Variants in WDPCP observed in about 807,000 individuals in gnomAD.
WDPCP encodes the protein WD repeat-containing and planar cell polarity effector protein fritz homolog.
In WDPCP, 71 loss-of-function variants were observed where a neutral mutation model predicts 93.1. The ratio of observed to expected loss-of-function variants is 0.76; its 90% confidence interval spans 0.63 to 0.93. The LOEUF (loss-of-function observed/expected upper bound fraction) is 0.93, where lower values mean the gene tolerates loss of function less well. WDPCP is among the 40% of genes least tolerant of loss of function. The probability of loss-of-function intolerance (pLI) is 0.00; values close to 1 mark genes in which losing one functional copy is unlikely to be tolerated. For synonymous variants in WDPCP, 315 were observed against 315.0 expected (o/e 1.00, Z 0.00); for missense variants, 844 against 887.4 (o/e 0.95, Z 0.62).
At chr2:63,682,798 T>G (rs994995512) in intron 2 of WDPCP, among the ~76,000 whole-genome samples, 1 of 152,066 alleles carries the variant, frequency 6.6e-6, no homozygotes, top group Non-Finnish European at 1.5e-5. Flanking sequence ...TACAGAATAT[T>G]ACAACACTGT....
intron 1 of WDPCP, among the ~76,000 whole-genome samples, chr2:63,573,094 T>A (rs1299587932): frequency 6.6e-6 from 1 of 151,954 alleles, no homozygotes; most frequent in South Asian, 2.1e-4. Flanking sequence ...AAAAAAATAA[T>A]TTTTTAATTG....
At chr2:63,180,075 T>C (rs929982117) in intron 14 of WDPCP, among the ~76,000 whole-genome samples, 2 of 152,190 alleles carry the variant, frequency 1.3e-5, no homozygotes, top group Non-Finnish European at 2.9e-5. Flanking sequence ...TCAAATACCA[T>C]ATGTTCTCAT....
At chr2:63,183,003 C>T (rs1469172793) in intron 14 of WDPCP, among the ~76,000 whole-genome samples, 1 of 151,648 alleles carries the variant, frequency 6.6e-6, no homozygotes, top group Non-Finnish European at 1.5e-5. Flanking sequence ...TTTTAAATTT[C>T]TGATTGTTTA....
intron 13 of WDPCP, among the ~76,000 whole-genome samples, chr2:63,267,686 CAA>C (rs1234882020): frequency 6.6e-6 from 1 of 152,072 alleles, no homozygotes; most frequent in Non-Finnish European, 1.5e-5. Flanking sequence ...AGACATTTCT[CAA>C]AAGAGAGGTA....
At chr2:63,796,784 T>C (rs1670623969) in intron 2 of WDPCP, among the ~76,000 whole-genome samples, 1 of 152,100 alleles carries the variant, frequency 6.6e-6, no homozygotes, top group South Asian at 2.1e-4. Context: ...AGGACTCCAA[T>C]TCCTAGGCAA....
chr2:63,539,864 A>T (rs1213151333), intron 1 of WDPCP, among the ~76,000 whole-genome samples: 1 of 152,192 alleles, frequency 6.6e-6, no homozygotes, highest in African/African-American at 2.4e-5. Flanking sequence ...TGAGTAGATA[A>T]ATAATAATTA....
intron 10 of WDPCP, among the ~76,000 whole-genome samples, chr2:63,383,540 C>T (rs1182975804): frequency 6.6e-6 from 1 of 152,094 alleles, no homozygotes; most frequent in African/African-American, 2.4e-5. Flanking sequence ...CATGGCAAAA[C>T]AGTCTTTACT....
At chr2:63,830,542 T>A (rs1157220679), upstream of WDPCP, among the ~76,000 whole-genome samples, 1 of 152,140 alleles carries the variant, frequency 6.6e-6, no homozygotes, top group Non-Finnish European at 1.5e-5. Context: ...AGTCATCTAA[T>A]AATCAATGGT....
chr2:63,407,384 CTT>C (rs1436985024), intron 9 of WDPCP, among the ~76,000 whole-genome samples: 3 of 152,100 alleles, frequency 2.0e-5, no homozygotes, highest in Middle Eastern at 3.2e-3. Context: ...CCACTAGGGA[CTT>C]TGATTTTTTC....
chr2:63,667,108 A>G (rs953461954), intron 2 of WDPCP, among the ~76,000 whole-genome samples: 2 of 152,216 alleles, frequency 1.3e-5, no homozygotes, highest in African/African-American at 4.8e-5. Flanking sequence ...ATTAAAACTT[A>G]AATTATATGC....
At chr2:63,442,005 T>C (rs1233528710) in intron 6 of WDPCP, 2 of 152,146 alleles carry the variant, frequency 1.3e-5, no homozygotes, top group Admixed American at 6.6e-5. Context: ...ATTATAGAAG[T>C]ACATACTGGG....
chr2:63,447,202 G>A lies in WDPCP; in HGVS notation c.385-7331C>T, dbSNP rs540637060. ...ACAAGAGTAGTATGGGTACATATACGTATAAAGAAATTGTAGAAACACAAG... is the reference window on the plus strand; with the variant it reads ...ACAAGAGTAGTATGGGTACATATACATATAAAGAAATTGTAGAAACACAAG... On this transcript the variant is annotated intron_variant, in intron 6 of 17. Transcript: ENST00000272321. Among the ~76,000 whole-genome samples, 11 of 152,114 alleles carry A rather than the reference G, an allele frequency of 7.2e-5. No individual in the cohort carries two copies. The East Asian group carries it at 1.7e-3, about 24-fold the overall frequency.
At chr2:63,308,454 T>G (rs941324939) in intron 13 of WDPCP, among the ~76,000 whole-genome samples, 1 of 152,206 alleles carries the variant, frequency 6.6e-6, no homozygotes, top group Non-Finnish European at 1.5e-5. Context: ...GTATGTTTAT[T>G]GTAGCAGTAT....
At chr2:63,561,678 GA>G (rs1316027902) in intron 1 of WDPCP, among the ~76,000 whole-genome samples, 1 of 151,664 alleles carries the variant, frequency 6.6e-6, no homozygotes, top group Non-Finnish European at 1.5e-5. Flanking sequence ...AAATTTACAA[GA>G]AAAAAACAAC....
intron 13 of WDPCP, among the ~76,000 whole-genome samples, chr2:63,270,374 T>TTTGA (rs1305919546): frequency 1.3e-5 from 2 of 152,188 alleles, no homozygotes; most frequent in Non-Finnish European, 2.9e-5. Flanking sequence ...GAGTTCTATT[T>TTTGA]TTGATTACTG....
At position 63,145,778 on chromosome 2, in the gene WDPCP, A is replaced by G. The variant is rs112082728; in HGVS notation, c.2190+7136T>C. Among the ~76,000 whole-genome samples the G allele has an allele frequency of 9.8e-5, 15 of 152,318 alleles. 1 individual carries two copies. Among genetic ancestry groups the G allele is most frequent in the African/African-American group, 3.6e-4 (15 of 41,566 alleles). On this transcript the variant is annotated intron_variant, in intron 17 of 17. Coordinates refer to ENST00000272321, the MANE Select transcript of WDPCP (RefSeq NM_015910.7). ...GGTAGTTTAATAGAAATAGCATTGA[A>G]TCTATACATTGCTCTGGGTAGTATG...
intron 12 of WDPCP, among the ~76,000 whole-genome samples, chr2:63,314,219 C>T (rs1260045806): frequency 1.3e-5 from 2 of 151,424 alleles, no homozygotes; most frequent in Non-Finnish European, 1.5e-5. Context: ...CTCTGTCACC[C>T]AGGCTGGAGT....
chr2:63,167,239 C>T (rs1301270849), intron 15 of WDPCP, among the ~76,000 whole-genome samples: 1 of 152,098 alleles, frequency 6.6e-6, no homozygotes, highest in Non-Finnish European at 1.5e-5. Context: ...TACACTGAAG[C>T]CATTTAGGAA....
intron 2 of WDPCP, among the ~76,000 whole-genome samples, chr2:63,668,100 G>C (rs1003081902): frequency 3.3e-5 from 5 of 152,186 alleles, no homozygotes; most frequent in Non-Finnish European, 7.3e-5. Flanking sequence ...TTTGGTGAGT[G>C]GAATGGCAAC....
Sources: allele counts gnomAD v4.1 joint callset (sites outside exome capture counted in the v4.1 genomes callset), GRCh38; gene constraint gnomAD v4.1.1; transcripts MANE v1.5; gene names NCBI Gene and HGNC (gene_info 2026-07-23, HGNC 2026-07-21).